NUBPL: variants seen among roughly 807,000 people sequenced by gnomAD.
NUBPL encodes the protein NUBP iron-sulfur cluster assembly factor, mitochondrial, also known as iron-sulfur cluster transfer protein NUBPL.
Under a neutral mutation model 45.7 loss-of-function variants are expected in NUBPL, and 31 were observed. The observed-to-expected ratio is 0.68, with a 90% CI of 0.51 to 0.92. The LOEUF is 0.92. Ranked by LOEUF, NUBPL falls within the 40% of genes least tolerant of loss-of-function variation. The pLI is 0.00. For missense variants in NUBPL, 401 were observed against 398.7 expected, an observed-to-expected ratio of 1.01 and a Z score of -0.05; for synonymous variants, 144 against 140.9, an observed-to-expected ratio of 1.02 and a Z score of -0.15.
rs1227371913 is a variant in NUBPL, at chr14:31,599,371, T to C, written c.374T>C (p.Leu125Ser). The C allele has an allele frequency of 6.2e-7, 1 of 1,604,232 alleles. No individual in the cohort carries two copies. Among genetic ancestry groups the C allele is most frequent in the Non-Finnish European group, 8.5e-7 (1 of 1,171,640 alleles). ...KMMNLKGNPE[L>S]SQSNLMRPLL... ...ATGAATCTGAAAGGAAATCCGGAAT[T>C]ATCACAGAGTAAGTAAAGAAGGGAT... Residue 125 changes from leucine to serine, a missense_variant, in exon 4 of 11, where the codon TTA becomes TCA. Leu to Ser is a moderately radical substitution (Grantham distance 145, BLOSUM62 -2). Coordinates refer to ENST00000281081, the MANE Select transcript of NUBPL (RefSeq NM_025152.3).
At position 31,859,198 on chromosome 14, in the gene NUBPL, A is replaced by AAATTTGCC; in HGVS notation, c.*19_*26dup. Reference sequence around the variant, plus strand: ...CAGAATGATTCCCCAAGTGTCCTGGAAATTTGCCTGGTACTGACATTAAGA... The same window carrying AAATTTGCC: ...CAGAATGATTCCCCAAGTGTCCTGGAAATTTGCCAATTTGCCTGGTACTGACATTAAGA... On this transcript the variant is annotated 3_prime_UTR_variant, in exon 11 of 11. Transcript: ENST00000281081. The AAATTTGCC allele has an allele frequency of 1.2e-6, 2 of 1,610,030 alleles. No homozygotes were observed. The highest frequency in any genetic ancestry group is 1.3e-5 in the African/African-American group (1 of 74,976).
intron 6 of NUBPL, among the ~76,000 whole-genome samples, chr14:31,785,528 C>T (rs2039268441): frequency 6.6e-6 from 1 of 152,156 alleles, no homozygotes; most frequent in Admixed American, 6.5e-5. Flanking sequence ...CTGTCCCCTG[C>T]TCCCATCCAT....
chr14:31,671,074 T>A (rs1239928020), intron 4 of NUBPL, among the ~76,000 whole-genome samples: 1 of 152,222 alleles, frequency 6.6e-6, no homozygotes, highest in Non-Finnish European at 1.5e-5. Context: ...GTATAGCCAT[T>A]TTAATGTTAT....
At chr14:31,595,287 T>C (rs2034253809) in intron 3 of NUBPL, among the ~76,000 whole-genome samples, 3 of 152,244 alleles carry the variant, frequency 2.0e-5, no homozygotes, top group African/African-American at 7.2e-5. Context: ...TTGTTTTATG[T>C]CATCTGCTAG....
chr14:31,700,955 G>A (rs979142248), intron 6 of NUBPL, among the ~76,000 whole-genome samples: 3 of 152,300 alleles, frequency 2.0e-5, no homozygotes, highest in South Asian at 2.1e-4. Context: ...CGGGACTGGC[G>A]GGCAGCTCCA....
intron 4 of NUBPL, among the ~76,000 whole-genome samples, chr14:31,629,558 C>T (rs57954557): frequency 1.5e-3 from 224 of 152,204 alleles, no homozygotes; most frequent in Middle Eastern, 0.014. Flanking sequence ...CAAAAGTTGT[C>T]CTCAAGCTAC....
chr14:31,843,115 C>A (rs2040402113), intron 8 of NUBPL, among the ~76,000 whole-genome samples: 2 of 152,196 alleles, frequency 1.3e-5, no homozygotes, highest in Non-Finnish European at 2.9e-5. Context: ...TTGTTCAACA[C>A]CCTGGCACCC....
chr14:31,773,629 A>T (rs74043618), intron 6 of NUBPL, among the ~76,000 whole-genome samples: 1 of 152,156 alleles, frequency 6.6e-6, no homozygotes, highest in South Asian at 2.1e-4. Flanking sequence ...CTGCATCTCT[A>T]TACCAATAGT....
intron 4 of NUBPL, among the ~76,000 whole-genome samples, chr14:31,637,864 A>G (rs570700175): frequency 1.1e-4 from 17 of 151,860 alleles, no homozygotes; most frequent in African/African-American, 4.1e-4. Context: ...GTCTCTTTTG[A>G]TGTTTGTTGG....
At chr14:31,813,169 A>G (rs903351071) in intron 7 of NUBPL, among the ~76,000 whole-genome samples, 1 of 151,704 alleles carries the variant, frequency 6.6e-6, no homozygotes, top group African/African-American at 2.4e-5. Flanking sequence ...TTGTATTTTT[A>G]GCAGAGACGG....
chr14:31,714,044 A>G (rs1380212314), intron 6 of NUBPL, among the ~76,000 whole-genome samples: 1 of 152,232 alleles, frequency 6.6e-6, no homozygotes, highest in Non-Finnish European at 1.5e-5. Context: ...TTTACTGCTT[A>G]AAAGTAGGTC....
At chr14:31,815,666 G>C (rs2039900250) in intron 7 of NUBPL, among the ~76,000 whole-genome samples, 1 of 152,150 alleles carries the variant, frequency 6.6e-6, no homozygotes. Context: ...GATACTGGCT[G>C]TCGGTTTGTG....
intron 3 of NUBPL, among the ~76,000 whole-genome samples, chr14:31,589,030 G>C (rs1213820943): frequency 1.3e-5 from 2 of 151,272 alleles, no homozygotes; most frequent in Non-Finnish European, 2.9e-5. Flanking sequence ...AACTCTTTTT[G>C]AACTTTGAGT....
rs189675044 is a variant in NUBPL at position 31,582,525 on chromosome 14, C to T, written c.292-16764C>T. ...ATGGGGGTGGAGGAAATATTTGGAACAAGAGGAATGTTTGCAGCAACACTG... is the reference window on the plus strand; with the variant it reads ...ATGGGGGTGGAGGAAATATTTGGAATAAGAGGAATGTTTGCAGCAACACTG... On this transcript the variant is annotated intron_variant, in intron 3 of 10. Coordinates refer to ENST00000281081, the MANE Select transcript of NUBPL (RefSeq NM_025152.3). 6.6e-5 allele frequency among the ~76,000 whole-genome samples: 10 copies of T among 151,742 alleles called. No individual in the cohort carries two copies. The East Asian group carries it at 1.7e-3, about 27-fold the overall frequency.
chr14:31,706,898 C>T (rs2037465231), intron 6 of NUBPL, among the ~76,000 whole-genome samples: 1 of 152,168 alleles, frequency 6.6e-6, no homozygotes, highest in Non-Finnish European at 1.5e-5. Flanking sequence ...CTCATTCAGT[C>T]CATATTAACT....
chr14:31,824,992 T>A (rs532948187), intron 7 of NUBPL, among the ~76,000 whole-genome samples: 1 of 152,352 alleles, frequency 6.6e-6, no homozygotes, highest in South Asian at 2.1e-4. Flanking sequence ...TTTGTTGTTT[T>A]GACCTAAAGA....
chr14:31,833,826 A>G (rs918456355), intron 8 of NUBPL, among the ~76,000 whole-genome samples: 3 of 152,212 alleles, frequency 2.0e-5, no homozygotes, highest in Non-Finnish European at 4.4e-5. Flanking sequence ...TGTGATACAC[A>G]TACTTCTGCG....
chr14:31,562,144 C>A lies in NUBPL; in HGVS notation c.185C>A (p.Pro62Gln), dbSNP rs369323852. The A allele has an allele frequency of 1.2e-6, 2 of 1,613,656 alleles. No individual in the cohort carries two copies. Among genetic ancestry groups the A allele is most frequent in the African/African-American group, 2.7e-5 (2 of 74,802 alleles). Residue 62 changes from proline (P) to glutamine (Q), a missense_variant, in exon 2 of 11, where the codon CCG (proline) becomes CAG (glutamine). Coordinates refer to ENST00000281081, the MANE Select transcript of NUBPL (RefSeq NM_025152.3). ...IMSRGLPKQK[P>Q]IEGVKQVIVV... ...TCCCGAGGACTTCCAAAGCAGAAAC[C>A]GATAGAAGGTGTTAAACAAGTTATA... is the stretch of plus-strand genomic sequence containing the variant.
chr14:31,586,955 A>T (rs2034011035), intron 3 of NUBPL, among the ~76,000 whole-genome samples: 1 of 152,204 alleles, frequency 6.6e-6, no homozygotes, highest in Non-Finnish European at 1.5e-5. Context: ...CACTTACTTG[A>T]ATCTAACTCT....
Sources: gnomAD v4.1 joint callset for allele counts (sites outside exome capture counted in the v4.1 genomes callset) on GRCh38, gnomAD v4.1.1 for gene constraint, MANE v1.5 for transcripts, NCBI Gene and HGNC (gene_info 2026-07-23, HGNC 2026-07-21) for gene names.